The following SERPINB8 variants were observed in gnomAD, a reference collection of about 807,000 sequenced individuals.
The protein encoded by SERPINB8 is serpin family B member 8.
A neutral mutation model predicts 35.3 loss-of-function variants in SERPINB8; 25 were observed. That is an observed-to-expected ratio of 0.71 (90% confidence interval 0.52 to 0.99). The LOEUF (loss-of-function observed/expected upper bound fraction) is 0.99, where lower values mean the gene tolerates loss of function less well. SERPINB8 is among the 50% of genes least tolerant of loss of function. The pLI is 0.00. For synonymous variants in SERPINB8, 186 were observed against 160.8 expected, an observed-to-expected ratio of 1.16 and a Z score of -1.19; for missense variants, 484 against 446.5, an observed-to-expected ratio of 1.08 and a Z score of -0.76.
intron 1 of SERPINB8, among the ~76,000 whole-genome samples, chr18:63,994,435 G>A (rs1372058040): frequency 1.3e-5 from 2 of 152,030 alleles, no homozygotes; most frequent in Non-Finnish European, 1.5e-5. Context: ...GTCCTTCAGG[G>A]CACAGTAGAG....
chr18:63,975,852 G>A (rs2050573362), intron 1 of SERPINB8, among the ~76,000 whole-genome samples: 1 of 152,114 alleles, frequency 6.6e-6, no homozygotes, highest in African/African-American at 2.4e-5. Flanking sequence ...CCACTTCCTT[G>A]TCTCAGCCAC....
chr18:64,012,509 G>A (rs1215440329), intron 7 of SERPINB8, among the ~76,000 whole-genome samples: 4 of 151,426 alleles, frequency 2.6e-5, no homozygotes, highest in Non-Finnish European at 5.9e-5. Flanking sequence ...TTTCAACAAT[G>A]TTCTAAACTT....
chr18:63,972,682 C>T (rs927314195), intron 1 of SERPINB8, among the ~76,000 whole-genome samples: 5 of 149,630 alleles, frequency 3.3e-5, no homozygotes, highest in African/African-American at 4.9e-5. Flanking sequence ...ATTTTCCCCA[C>T]CCTATGTCCA....
At chr18:64,005,898 A>T (rs1050418689), downstream of SERPINB8, among the ~76,000 whole-genome samples, 2 of 152,090 alleles carry the variant, frequency 1.3e-5, no homozygotes, top group East Asian at 3.8e-4. Flanking sequence ...TCATATCTTC[A>T]TGGCAGGAGG....
downstream of SERPINB8, among the ~76,000 whole-genome samples, chr18:64,007,336 C>T (rs8098913): frequency 0.66 from 100,686 of 151,996 alleles, 33,717 homozygotes; most frequent in African/African-American, 0.75. Context: ...AAAAATTTAA[C>T]GTTCTCCCAT....
intron 3 of SERPINB8, among the ~76,000 whole-genome samples, chr18:63,981,299 C>T (rs982539731): frequency 6.6e-6 from 1 of 152,226 alleles, no homozygotes; most frequent in Admixed American, 6.5e-5. Context: ...ATCTAGTTCC[C>T]TTATAAAGCC....
At chr18:64,002,427 A>G (rs1294361453) in intron 1 of SERPINB8, among the ~76,000 whole-genome samples, 2 of 152,200 alleles carry the variant, frequency 1.3e-5, no homozygotes, top group African/African-American at 4.8e-5. Flanking sequence ...TGCTTGAAAC[A>G]GAAAAGCCCA....
rs933487610 is a variant in SERPINB8 at position 64,014,582 on chromosome 18, A to T, written c.*3-4328A>T. Among the ~76,000 whole-genome samples, 3 of 152,296 alleles carry T rather than the reference A, an allele frequency of 2.0e-5. No individual in the cohort carries two copies. In the East Asian group the frequency reaches 5.8e-4, roughly 29 times the overall value. ...TCATGCCAACTCTCTCAGTCTTTTC[A>T]TGCCAGACTCCTTTCACTGTGATCA... On this transcript the variant is annotated intron_variant, in intron 7 of 7. Transcript: ENST00000636430.
Position 63,983,725 on chromosome 18 carries a change from G to A in SERPINB8, c.567+4G>A, listed in dbSNP as rs879181113. Reference sequence around the variant, plus strand: ...AATGCTCTTTAAAACCAACGAGGTAGGGAAAGATTTTTCAGATATACTGCT... The same window carrying A: ...AATGCTCTTTAAAACCAACGAGGTAAGGAAAGATTTTTCAGATATACTGCT... On this transcript the variant is annotated splice_donor_region_variant and intron_variant, in intron 5 of 6. Coordinates refer to ENST00000397985, the MANE Select transcript of SERPINB8 (RefSeq NM_002640.4). 1.9e-6 allele frequency: 3 copies of A among 1,609,568 alleles called. No individual in the cohort carries two copies. The South Asian group carries it at 3.3e-5, about 18-fold the overall frequency.
chr18:64,005,454 A>T (rs2050895699), exon 2 of SERPINB8: 1 of 151,984 alleles, frequency 6.6e-6, no homozygotes, highest in African/African-American at 2.4e-5. Flanking sequence ...TTAGGTCCTG[A>T]GGAAAAAGCC....
intron 1 of SERPINB8, among the ~76,000 whole-genome samples, chr18:63,971,751 G>A (rs991940138): frequency 2.0e-5 from 3 of 152,192 alleles, no homozygotes; most frequent in Non-Finnish European, 4.4e-5. Context: ...TGAGACGTTT[G>A]TTTAAAAACC....
In SERPINB8 at chr18:63,986,865, T is replaced by C; in HGVS notation, c.721-9T>C. The C allele has an allele frequency of 1.9e-6, 3 of 1,595,944 alleles. No homozygotes were observed. Among genetic ancestry groups the C allele is most frequent in the Non-Finnish European group, 2.6e-6 (3 of 1,172,948 alleles). ...CTAAATTTTAAGGTTTGAGTCTTTCTTATCCTAGGTGGAAAAAGCACTTAC... is the reference window on the plus strand; with the variant it reads ...CTAAATTTTAAGGTTTGAGTCTTTCCTATCCTAGGTGGAAAAAGCACTTAC... On this transcript the variant is annotated splice_polypyrimidine_tract_variant and intron_variant, in intron 6 of 6. Coordinates refer to ENST00000397985, the MANE Select transcript of SERPINB8 (RefSeq NM_002640.4).
rs1056938385 is a variant in SERPINB8, at chr18:63,983,568, A to G, written c.425-11A>G. The stretch of plus-strand genomic sequence containing the variant: ...CCCACAAATTGCAATAAACTCTCAT[A>G]TTCTTTATAGGTAAGATTTCAGAGG... On this transcript the variant is annotated splice_polypyrimidine_tract_variant and intron_variant, in intron 4 of 6. Transcript: ENST00000397985. The G allele has an allele frequency of 6.2e-7, 1 of 1,612,748 alleles. No individual in the cohort carries two copies. Among genetic ancestry groups the G allele is most frequent in the African/African-American group, 1.3e-5 (1 of 74,886 alleles).
Position 63,983,193 on chromosome 18 carries a change from G to T in SERPINB8, c.425-386G>T, listed in dbSNP as rs952573038. On this transcript the variant is annotated intron_variant, in intron 4 of 6. Coordinates refer to ENST00000397985, the MANE Select transcript of SERPINB8 (RefSeq NM_002640.4). ...AATTATCTGGCTTAAAATGACAATA[G>T]CGGTGAGGCTTGGATATGATAGTGC... Among the ~76,000 whole-genome samples, 118 of 152,152 alleles carry T rather than the reference G, an allele frequency of 7.8e-4. 2 individuals are homozygous for T. Among genetic ancestry groups the T allele is most frequent in the Non-Finnish European group, 2.6e-4 (18 of 68,036 alleles).
chr18:63,973,623 A>G (rs1373625975), intron 1 of SERPINB8, among the ~76,000 whole-genome samples: 1 of 152,130 alleles, frequency 6.6e-6, no homozygotes, highest in Non-Finnish European at 1.5e-5. Context: ...TTATGGTTTT[A>G]GGTCTAACAT....
At chr18:63,986,205 A>T in intron 6 of SERPINB8, 1 of 1,547,692 alleles carries the variant, frequency 6.5e-7, no homozygotes, top group Non-Finnish European at 8.9e-7. Context: ...GGAAGGGGAG[A>T]TGCTAGTGGA....
At chr18:64,011,901 C>CATCAAAACT (rs2050927484) in intron 7 of SERPINB8, among the ~76,000 whole-genome samples, 1 of 152,092 alleles carries the variant, frequency 6.6e-6, no homozygotes, top group Admixed American at 6.6e-5. Context: ...ATAATGCCAA[C>CATCAAAACT]ATCAAAACTT....
At chr18:64,014,586 C>G (rs1051914543) in intron 7 of SERPINB8, among the ~76,000 whole-genome samples, 2 of 152,218 alleles carry the variant, frequency 1.3e-5, no homozygotes, top group African/African-American at 4.8e-5. Context: ...CTTTTCATGC[C>G]AGACTCCTTT....
At chr18:63,975,345 C>T (rs76495692) in intron 1 of SERPINB8, among the ~76,000 whole-genome samples, 1 of 152,102 alleles carries the variant, frequency 6.6e-6, no homozygotes, top group African/African-American at 2.4e-5. Context: ...GAAATGTCCT[C>T]GAGTGAAAGA....
Sources: gnomAD v4.1 joint callset for allele counts (sites outside exome capture counted in the v4.1 genomes callset) on GRCh38, gnomAD v4.1.1 for gene constraint, MANE v1.5 for transcripts, NCBI Gene and HGNC (gene_info 2026-07-23, HGNC 2026-07-21) for gene names.